Variants in ARHGAP24 observed in about 807,000 individuals in gnomAD.
ARHGAP24 encodes the protein rho GTPase-activating protein 24.
In ARHGAP24, 50 loss-of-function variants were observed where a neutral mutation model predicts 76.4. That is an observed-to-expected ratio of 0.65 (90% CI 0.52 to 0.83). The LOEUF is 0.83. Ranked by LOEUF, ARHGAP24 falls within the 40% of genes least tolerant of loss-of-function variation. The pLI is 0.00. For synonymous variants in ARHGAP24, 345 were observed against 323.3 expected, an observed-to-expected ratio of 1.07 and a Z score of -0.72; for missense variants, 930 against 914.2, an observed-to-expected ratio of 1.02 and a Z score of -0.22.
At chr4:85,843,548 T>C (rs1163021346) in intron 3 of ARHGAP24, among the ~76,000 whole-genome samples, 1 of 151,984 alleles carries the variant, frequency 6.6e-6, no homozygotes, top group Non-Finnish European at 1.5e-5. Flanking sequence ...TTGTATAAAT[T>C]CATGAGTAGA....
At chr4:85,700,114 G>T (rs941449951) in intron 2 of ARHGAP24, among the ~76,000 whole-genome samples, 3 of 152,166 alleles carry the variant, frequency 2.0e-5, no homozygotes, top group African/African-American at 7.2e-5. Context: ...ATAGAGCTGA[G>T]CCGGGCATGG....
chr4:85,710,290 T>G lies in ARHGAP24; in HGVS notation c.181-11595T>G, dbSNP rs537434465. Among the ~76,000 whole-genome samples the G allele has an allele frequency of 1.8e-4, 28 of 152,280 alleles. No homozygotes were observed. In the South Asian group the frequency reaches 5.8e-3, roughly 32 times the overall value. ...ATTCAATAAATGATAGTGAGATAAC[T>G]GGCTAGCCATATGCAGGAGATTGAA... is the stretch of plus-strand genomic sequence containing the variant. On this transcript the variant is annotated intron_variant, in intron 2 of 9. Coordinates refer to ENST00000395184, the MANE Select transcript of ARHGAP24 (RefSeq NM_001025616.3).
chr4:85,901,262 C>A (rs1578365226), intron 3 of ARHGAP24, among the ~76,000 whole-genome samples: 1 of 152,096 alleles, frequency 6.6e-6, no homozygotes, highest in African/African-American at 2.4e-5. Context: ...TAATCAGAGA[C>A]CTGCCTTCAT....
intron 4 of ARHGAP24, among the ~76,000 whole-genome samples, chr4:85,925,357 T>C (rs1735963951): frequency 6.6e-6 from 1 of 152,226 alleles, no homozygotes; most frequent in Non-Finnish European, 1.5e-5. Context: ...AGTATCACAG[T>C]GCTTGTGCTC....
chr4:85,997,626 T>C (rs1221638531), intron 9 of ARHGAP24, among the ~76,000 whole-genome samples: 4 of 69,278 alleles, frequency 5.8e-5, no homozygotes, highest in Admixed American at 4.1e-4. Context: ...CTCTCCAAAT[T>C]GGTTTCTAAC....
intron 4 of ARHGAP24, chr4:85,930,489 GTTCCTCT>G: frequency 1.0e-6 from 1 of 991,388 alleles, no homozygotes; most frequent in Non-Finnish European, 1.2e-6. Flanking sequence ...TTTTGTCATT[GTTCCTCT>G]TTCCTCTTGC....
chr4:85,627,088 C>T (rs2059329345), intron 2 of ARHGAP24, among the ~76,000 whole-genome samples: 1 of 152,180 alleles, frequency 6.6e-6, no homozygotes, highest in African/African-American at 2.4e-5. Flanking sequence ...CAGTCATTCT[C>T]TTTCCAGCTT....
At chr4:85,544,904 A>G (rs1351783637) in intron 1 of ARHGAP24, among the ~76,000 whole-genome samples, 1 of 151,596 alleles carries the variant, frequency 6.6e-6, no homozygotes, top group Non-Finnish European at 1.5e-5. Context: ...GTTCTCTTGA[A>G]AGTTGAGCTT....
chr4:85,990,079 T>C (rs1740233027), intron 8 of ARHGAP24: 1 of 151,772 alleles, frequency 6.6e-6, no homozygotes, highest in Admixed American at 6.6e-5. Context: ...CTAATATAAC[T>C]AATACGCAAA....
chr4:85,919,201 G>A lies in ARHGAP24; in HGVS notation c.269-4447G>A, dbSNP rs17011205. 2.7e-3 allele frequency among the ~76,000 whole-genome samples: 413 copies of A among 152,228 alleles called. 1 individual carries two copies. Among genetic ancestry groups the A allele is most frequent in the Non-Finnish European group, 4.6e-3 (315 of 67,996 alleles). On this transcript the variant is annotated intron_variant, in intron 3 of 9. Transcript: ENST00000395184. Reference sequence around the variant, plus strand: ...ATGGTTAAATAGATCATTAAGTCCCGTAAAGGGCTAACGAAGAAAGTGAAT... The same window carrying A: ...ATGGTTAAATAGATCATTAAGTCCCATAAAGGGCTAACGAAGAAAGTGAAT...
chr4:85,949,921 G>C (rs1022248106), intron 5 of ARHGAP24, among the ~76,000 whole-genome samples: 4 of 152,126 alleles, frequency 2.6e-5, no homozygotes, highest in Non-Finnish European at 4.4e-5. Context: ...CTCTTCTGGG[G>C]TTTGCCTTAC....
At chr4:85,867,610 T>A (rs1732267844) in intron 3 of ARHGAP24, among the ~76,000 whole-genome samples, 1 of 151,874 alleles carries the variant, frequency 6.6e-6, no homozygotes. Flanking sequence ...AATGATTCTT[T>A]TTTGAGAGGA....
chr4:85,624,407 G>A (rs1434554321), intron 2 of ARHGAP24, among the ~76,000 whole-genome samples: 1 of 152,120 alleles, frequency 6.6e-6, no homozygotes, highest in Non-Finnish European at 1.5e-5. Flanking sequence ...TGTGTATGTT[G>A]AACCAGCCTT....
intron 1 of ARHGAP24, among the ~76,000 whole-genome samples, chr4:85,482,345 A>G (rs772356939): frequency 6.6e-6 from 1 of 152,142 alleles, no homozygotes; most frequent in Non-Finnish European, 1.5e-5. Flanking sequence ...TGGAGACTTC[A>G]TTTATTGGTG....
intron 9 of ARHGAP24, among the ~76,000 whole-genome samples, chr4:85,996,079 T>C (rs1266962748): frequency 1.3e-5 from 2 of 152,120 alleles, no homozygotes; most frequent in Non-Finnish European, 1.5e-5. Flanking sequence ...TAGAAGTAAA[T>C]AGACCTCCAT....
chr4:85,964,291 G>GA lies in ARHGAP24; in HGVS notation c.600-7736dup, dbSNP rs202239216. Among the ~76,000 whole-genome samples the GA allele has an allele frequency of 5.5e-3, 831 of 150,664 alleles. 4 individuals are homozygous for GA. Among genetic ancestry groups the GA allele is most frequent in the African/African-American group, 0.018 (737 of 41,126 alleles). On this transcript the variant is annotated intron_variant, in intron 5 of 9. Coordinates refer to ENST00000395184, the MANE Select transcript of ARHGAP24 (RefSeq NM_001025616.3). ...TGTAAATGGTGAGGCCATCCACTGT[G>GA]AAAAAAAAATGCTAAAAGAGAAACA...
intron 2 of ARHGAP24, among the ~76,000 whole-genome samples, chr4:85,682,436 G>A (rs1223910982): frequency 1.3e-5 from 2 of 152,170 alleles, no homozygotes. Flanking sequence ...GCTTCCATGT[G>A]GCCCTATAGA....
intron 3 of ARHGAP24, among the ~76,000 whole-genome samples, chr4:85,915,939 A>C (rs968507676): frequency 3.3e-5 from 5 of 152,090 alleles, no homozygotes; most frequent in Non-Finnish European, 7.4e-5. Flanking sequence ...TATACCCAGT[A>C]ATGGGGTTGC....
intron 3 of ARHGAP24, among the ~76,000 whole-genome samples, chr4:85,871,652 A>G (rs1732529724): frequency 6.6e-6 from 1 of 152,208 alleles, no homozygotes; most frequent in Non-Finnish European, 1.5e-5. Flanking sequence ...TGGAATGGAA[A>G]GAGGGTTCTT....
Sources: gnomAD v4.1 joint callset for allele counts (sites outside exome capture counted in the v4.1 genomes callset) on GRCh38, gnomAD v4.1.1 for gene constraint, MANE v1.5 for transcripts, NCBI Gene and HGNC (gene_info 2026-07-23, HGNC 2026-07-21) for gene names.